TP53BP1: variants seen among roughly 807,000 people sequenced by gnomAD.
TP53BP1 encodes the protein tumor protein p53 binding protein 1.
Under a neutral mutation model 200.8 loss-of-function variants are expected in TP53BP1, and 61 were observed. That is an observed-to-expected ratio of 0.30 (90% CI 0.25 to 0.38). The LOEUF (loss-of-function observed/expected upper bound fraction) is 0.38. Among genes scored for constraint, TP53BP1 ranks in the 10% least tolerant of loss-of-function variants. TP53BP1 has a pLI of 1.00. For missense variants in TP53BP1, 2,144 were observed against 2,371.9 expected, an observed-to-expected ratio of 0.90 and a Z score of 2.00; for synonymous variants, 822 against 844.3, an observed-to-expected ratio of 0.97 and a Z score of 0.46.
chr15:43,491,572 GAGA>G (rs2079123209), intron 4 of TP53BP1, 94 bp downstream of exon 4: 11 of 909,394 alleles, frequency 1.2e-5, no homozygotes, highest in Middle Eastern at 4.3e-4. Context: ...CCACAAGAAA[GAGA>G]TTAATCCTTT....
chr15:43,426,152 A>AT (rs994163661), intron 18 of TP53BP1, among the ~76,000 whole-genome samples: 2 of 152,144 alleles, frequency 1.3e-5, no homozygotes, highest in African/African-American at 4.8e-5. Flanking sequence ...TACACAAAGA[A>AT]TAAAAAACAG....
At chr15:43,455,707 C>T (rs1461215204) in intron 12 of TP53BP1, among the ~76,000 whole-genome samples, 185 bp downstream of exon 12, 1 of 150,490 alleles carries the variant, frequency 6.6e-6, no homozygotes, top group Non-Finnish European at 1.5e-5. Flanking sequence ...GGCAACAGAG[C>T]GGGACTCTGT....
At chr15:43,413,849 C>T (rs1460304433) in intron 23 of TP53BP1, among the ~76,000 whole-genome samples, 1 of 151,754 alleles carries the variant, frequency 6.6e-6, no homozygotes, top group Non-Finnish European at 1.5e-5. Flanking sequence ...TAGATCCTCC[C>T]ACCCCATCAC....
chr15:43,418,679 TAAC>T (rs541497273), intron 21 of TP53BP1, among the ~76,000 whole-genome samples: 63 of 152,060 alleles, frequency 4.1e-4, no homozygotes, highest in African/African-American at 1.4e-3. Flanking sequence ...CATGAAACAA[TAAC>T]AACAAGCATA....
In TP53BP1 at chr15:43,420,668, A is replaced by C. The variant is rs755908074; in HGVS notation, c.4318T>G (p.Ser1440Ala). The change falls in exon 21 of 28, where the codon TCC becomes GCC. Residue 1440 changes from serine (S) to alanine (A), a missense_variant. By Grantham distance (99) the Ser-to-Ala change is moderately conservative. Transcript: ENST00000382044. ...ISPNLSPDDK[S>A]FSRVVPRVPD... ...ACTCGGGGCACGACACGGCTGAAGG[A>C]TTTATCATCTGGTGACAAGTTAGGT... 3 of 1,614,096 alleles carry C rather than the reference A, an allele frequency of 1.9e-6. No homozygotes were observed. The highest frequency in any genetic ancestry group is 2.5e-6 in the Non-Finnish European group (3 of 1,180,048).
chr15:43,486,344 C>A (rs2079047084), intron 4 of TP53BP1, among the ~76,000 whole-genome samples: 1 of 152,156 alleles, frequency 6.6e-6, no homozygotes, highest in African/African-American at 2.4e-5. Flanking sequence ...CCATTGCACT[C>A]TGCCTGGGCA....
At chr15:43,463,148 A>C (rs2444032) in intron 11 of TP53BP1, among the ~76,000 whole-genome samples, 42,902 of 152,100 alleles carry the variant, frequency 0.28, 10,252 homozygotes, top group African/African-American at 0.65. Context: ...TAGTTTGAAA[A>C]CATTTAATTG....
At chr15:43,415,987 G>C (rs766591954) in intron 22 of TP53BP1, among the ~76,000 whole-genome samples, 178 bp from the exon 23 acceptor site, 1 of 152,154 alleles carries the variant, frequency 6.6e-6, no homozygotes, top group Non-Finnish European at 1.5e-5. Context: ...TGACTGAAAT[G>C]TGTTTAGTCC....
chr15:43,481,049 T>C lies in TP53BP1; in HGVS notation c.372-27A>G, dbSNP rs369262742. The C allele has an allele frequency of 1.6e-5, 26 of 1,613,756 alleles. No individual in the cohort carries two copies. The African/African-American group carries it at 3.5e-4, about 22-fold the overall frequency. On this transcript the variant is annotated intron_variant, in intron 4 of 27. Coordinates refer to ENST00000382044, the MANE Select transcript of TP53BP1 (RefSeq NM_001141980.3). ...TACACAGCAGAAGGATATAATCATG[T>C]GTTCCCAGATAGTTTGGGACACTTT...
chr15:43,410,402 C>T (rs2045079581), intron 24 of TP53BP1, among the ~76,000 whole-genome samples: 1 of 152,126 alleles, frequency 6.6e-6, no homozygotes. Flanking sequence ...ACACCAATGA[C>T]TGCTCTATAG....
intron 9 of TP53BP1, among the ~76,000 whole-genome samples, 185 bp downstream of exon 9, chr15:43,475,380 T>G (rs912893565): frequency 2.6e-4 from 40 of 152,242 alleles, no homozygotes; most frequent in African/African-American, 9.4e-4. Flanking sequence ...TATAAAATTT[T>G]CAAATGGGAC....
At chr15:43,446,917 AG>A in intron 13 of TP53BP1, 1 of 707,136 alleles carries the variant, frequency 1.4e-6, no homozygotes, top group Non-Finnish European at 2.3e-6. Context: ...AGCACTGACT[AG>A]AGAAAACAAA....
intron 1 of TP53BP1, among the ~76,000 whole-genome samples, chr15:43,500,619 A>G (rs2079204616): frequency 6.6e-6 from 1 of 152,152 alleles, no homozygotes; most frequent in African/African-American, 2.4e-5. Context: ...CAGAAGTTTA[A>G]GACCAGCCTG....
Position 43,432,669 on chromosome 15 carries a change from A to G in TP53BP1, c.3200T>C (p.Leu1067Ser). Residue 1067 changes from leucine to serine, a missense_variant, in exon 17 of 28, where the codon TTG (leucine) becomes TCG (serine). Coordinates refer to ENST00000382044, the MANE Select transcript of TP53BP1 (RefSeq NM_001141980.3). ...TCCTTGAGAACTTGGAAAGTGGAGC[A>G]AGTTCCCCCTGAAAATGCAACATAT... ...DPPTTPIRGN[L>S]LHFPSSQGEE... 1.2e-6 allele frequency: 2 copies of G among 1,600,550 alleles called. No individual in the cohort carries two copies. The highest frequency in any genetic ancestry group is 1.7e-6 in the Non-Finnish European group (2 of 1,172,396).
chr15:43,498,751 G>A (rs541896932), intron 1 of TP53BP1, among the ~76,000 whole-genome samples: 3 of 152,186 alleles, frequency 2.0e-5, no homozygotes, highest in South Asian at 2.1e-4. Flanking sequence ...GATTAGTAAC[G>A]AATCAATGTT....
At chr15:43,464,547 C>A (rs984349060) in intron 11 of TP53BP1, among the ~76,000 whole-genome samples, 10 of 152,156 alleles carry the variant, frequency 6.6e-5, no homozygotes, top group Non-Finnish European at 1.2e-4. Flanking sequence ...ACCCAAACGT[C>A]CATCAACTGA....
At chr15:43,466,006 G>A (rs978209309) in intron 11 of TP53BP1, among the ~76,000 whole-genome samples, 1 of 152,174 alleles carries the variant, frequency 6.6e-6, no homozygotes, top group African/African-American at 2.4e-5. Flanking sequence ...AAAGAGCAAT[G>A]CCTTCAAAAT....
intron 17 of TP53BP1, among the ~76,000 whole-genome samples, chr15:43,429,298 C>G (rs1429970455): frequency 6.6e-6 from 1 of 152,134 alleles, no homozygotes; most frequent in African/African-American, 2.4e-5. Flanking sequence ...AAAAAAAGTG[C>G]TAGAATTTCA....
At position 43,407,548 on chromosome 15, in the gene TP53BP1, A is replaced by T. The variant is rs766779877; in HGVS notation, c.5769T>A (p.Asp1923Glu). Residue 1923 changes from aspartate to glutamate, a missense_variant, in exon 28 of 28, where the codon GAT becomes GAA. Asp to Glu is a conservative substitution (Grantham distance 45). Transcript: ENST00000382044. ...GGCATGAGGGGTCCGTCACCACCACATCAAATACCCCTAAAGCAATATCTG... is the reference window on the plus strand; with the variant it reads ...GGCATGAGGGGTCCGTCACCACCACTTCAAATACCCCTAAAGCAATATCTG... ...HNKDIALGVF[D>E]VVVTDPSCPA... The T allele has an allele frequency of 1.9e-6, 3 of 1,613,914 alleles. No individual in the cohort carries two copies.
Sources: allele counts gnomAD v4.1 joint callset (sites outside exome capture counted in the v4.1 genomes callset), GRCh38; gene constraint gnomAD v4.1.1; transcripts MANE v1.5; gene names NCBI Gene and HGNC (gene_info 2026-07-23, HGNC 2026-07-21).